The following KCND2 variants were observed in gnomAD, a reference collection of about 807,000 sequenced individuals.
The protein encoded by KCND2 is potassium voltage-gated channel subfamily D member 2, also known as A-type voltage-gated potassium channel KCND2.
In KCND2, 16 loss-of-function variants were observed where a neutral mutation model predicts 54.4. The ratio of observed to expected loss-of-function variants is 0.29; its 90% CI spans 0.20 to 0.45. The LOEUF (loss-of-function observed/expected upper bound fraction) is 0.45. KCND2 is among the 20% of genes least tolerant of loss of function. KCND2 has a pLI of 1.00. For synonymous variants in KCND2, 317 were observed against 310.7 expected (o/e 1.02, Z -0.21); for missense variants, 486 against 824.2 (o/e 0.59, Z 5.02).
intron 1 of KCND2, among the ~76,000 whole-genome samples, chr7:120,579,621 TAAATAAATAAATAAATAAATAAATA>T (rs1482129490): frequency 2.1e-5 from 3 of 143,252 alleles, no homozygotes; most frequent in African/African-American, 8.2e-5. Context: ...AATAAATAAA[TAAATAAATAAATAAATAAATAAATA>T]AAATAAAATA....
At chr7:120,547,695 A>G (rs802339) in intron 1 of KCND2, among the ~76,000 whole-genome samples, 10,296 of 152,118 alleles carry the variant, frequency 0.068, 901 homozygotes, top group East Asian at 0.45. Context: ...ACTAAGAATG[A>G]TGCTGTTCTT....
intron 1 of KCND2, among the ~76,000 whole-genome samples, chr7:120,370,733 A>C (rs1490157287): frequency 6.6e-6 from 1 of 152,040 alleles, no homozygotes; most frequent in East Asian, 1.9e-4. Context: ...GAAAAGGGAC[A>C]GAGTTGGATT....
At chr7:120,704,880 G>C (rs924617134) in intron 1 of KCND2, among the ~76,000 whole-genome samples, 6 of 152,228 alleles carry the variant, frequency 3.9e-5, no homozygotes, top group African/African-American at 1.4e-4. Context: ...GCAGGTATTT[G>C]ATAAATGATA....
chr7:120,511,539 G>T (rs1803115312), intron 1 of KCND2, among the ~76,000 whole-genome samples: 2 of 151,960 alleles, frequency 1.3e-5, no homozygotes, highest in Admixed American at 1.3e-4. Flanking sequence ...TGCAATAATT[G>T]TTTTTATTCT....
intron 1 of KCND2, among the ~76,000 whole-genome samples, chr7:120,509,873 T>C (rs1440170288): frequency 1.3e-5 from 2 of 152,112 alleles, no homozygotes; most frequent in African/African-American, 4.8e-5. Flanking sequence ...TGATACCATC[T>C]ATTATAGGAT....
At chr7:120,389,087 A>G (rs1240791876) in intron 1 of KCND2, among the ~76,000 whole-genome samples, 1 of 151,864 alleles carries the variant, frequency 6.6e-6, no homozygotes, top group African/African-American at 2.4e-5. Context: ...ACACAGGCCA[A>G]CTGATTTTAA....
intron 1 of KCND2, among the ~76,000 whole-genome samples, chr7:120,613,020 T>G (rs1288963675): frequency 6.6e-6 from 1 of 151,806 alleles, no homozygotes; most frequent in Non-Finnish European, 1.5e-5. Context: ...AAACACAAGA[T>G]ATCCATAGAA....
Position 120,275,454 on chromosome 7 carries a change from C to T in KCND2, c.822C>T (p.Tyr274=). 1.9e-6 allele frequency: 3 copies of T among 1,613,736 alleles called. No homozygotes were observed. Among genetic ancestry groups the T allele is most frequent in the Non-Finnish European group, 2.5e-6 (3 of 1,179,908 alleles). Residue 274 remains tyrosine (Y), a synonymous_variant, in exon 1 of 6, where the codon TAC becomes TAT. Coordinates refer to ENST00000331113, the MANE Select transcript of KCND2 (RefSeq NM_012281.3). ...IIDVVAILPY[Y]IGLVMTDNED... is the part of the protein sequence containing the mutation. ...ACGTGGTGGCCATCCTGCCTTATTA[C>T]ATTGGGCTGGTGATGACAGACAATG...
intron 1 of KCND2, among the ~76,000 whole-genome samples, chr7:120,614,016 A>ATTTTTTTTTTTTTTTTTTTTTTGT (rs763691698): frequency 7.1e-6 from 1 of 141,490 alleles, no homozygotes; most frequent in Non-Finnish European, 1.5e-5. Flanking sequence ...TCTTTGTTGG[A>ATTTTTTTTTTTTTTTTTTTTTTGT]TTTTTTTTTT....
chr7:120,574,355 G>C (rs1792400675), intron 1 of KCND2, among the ~76,000 whole-genome samples: 1 of 152,142 alleles, frequency 6.6e-6, no homozygotes, highest in Non-Finnish European at 1.5e-5. Context: ...GATATCATAT[G>C]TGAAAGATGA....
At chr7:120,550,287 A>T (rs1792090227) in intron 1 of KCND2, among the ~76,000 whole-genome samples, 1 of 152,028 alleles carries the variant, frequency 6.6e-6, no homozygotes, top group Non-Finnish European at 1.5e-5. Flanking sequence ...CAGTGAATAG[A>T]ATTATTATTT....
intron 1 of KCND2, among the ~76,000 whole-genome samples, chr7:120,400,884 C>A (rs1048204119): frequency 6.6e-6 from 1 of 151,612 alleles, no homozygotes; most frequent in Non-Finnish European, 1.5e-5. Flanking sequence ...TAACCTTTAG[C>A]AAATCTTTGG....
chr7:120,410,402 C>G (rs1424075860), intron 1 of KCND2, among the ~76,000 whole-genome samples: 1 of 151,696 alleles, frequency 6.6e-6, no homozygotes, highest in Non-Finnish European at 1.5e-5. Context: ...ATTTTAGAAT[C>G]AGTTTGTCAA....
chr7:120,563,925 A>T (rs902165108), intron 1 of KCND2, among the ~76,000 whole-genome samples: 3 of 152,202 alleles, frequency 2.0e-5, no homozygotes, highest in Non-Finnish European at 4.4e-5. Context: ...CAGAAAATTT[A>T]TAAAACTATG....
intron 1 of KCND2, among the ~76,000 whole-genome samples, chr7:120,506,815 G>T (rs1342863081): frequency 6.6e-6 from 1 of 151,718 alleles, no homozygotes; most frequent in Non-Finnish European, 1.5e-5. Context: ...TCTGTAGACA[G>T]AATTTTTTTC....
At chr7:120,562,796 C>T (rs1408439054) in intron 1 of KCND2, among the ~76,000 whole-genome samples, 2 of 152,116 alleles carry the variant, frequency 1.3e-5, no homozygotes, top group African/African-American at 4.8e-5. Context: ...GCACCAGAAA[C>T]TGCACTTGGC....
At chr7:120,432,579 GCT>G (rs1340165563) in intron 1 of KCND2, among the ~76,000 whole-genome samples, 1 of 152,060 alleles carries the variant, frequency 6.6e-6, no homozygotes, top group Non-Finnish European at 1.5e-5. Context: ...TGAAAACATA[GCT>G]TTTTGCCAAG....
intron 1 of KCND2, among the ~76,000 whole-genome samples, chr7:120,649,606 G>A (rs1157416035): frequency 6.6e-6 from 1 of 151,968 alleles, no homozygotes; most frequent in Non-Finnish European, 1.5e-5. Context: ...TTTTTGATGG[G>A]GTTGTTTGTT....
At chr7:120,578,095 G>T (rs1018341898) in intron 1 of KCND2, among the ~76,000 whole-genome samples, 1 of 151,182 alleles carries the variant, frequency 6.6e-6, no homozygotes, top group African/African-American at 2.4e-5. Flanking sequence ...GAGAAGGAGA[G>T]GAAGAGGAAG....
Sources: allele counts gnomAD v4.1 joint callset (sites outside exome capture counted in the v4.1 genomes callset), GRCh38; gene constraint gnomAD v4.1.1; transcripts MANE v1.5; gene names NCBI Gene and HGNC (gene_info 2026-07-23, HGNC 2026-07-21).